FMN1: variants seen among roughly 807,000 people sequenced by gnomAD.
FMN1 encodes the protein formin-1.
A neutral mutation model predicts 132.4 loss-of-function variants in FMN1; 110 were observed. The ratio of observed to expected loss-of-function variants is 0.83; its 90% CI spans 0.71 to 0.97. FMN1 has a LOEUF of 0.97. Among genes scored for constraint, FMN1 ranks in the 50% least tolerant of loss-of-function variants. The probability of loss-of-function intolerance (pLI) is 0.00; values close to 1 mark genes in which losing one functional copy is unlikely to be tolerated. For missense variants in FMN1, 1,792 were observed against 1,705.3 expected, an observed-to-expected ratio of 1.05 and a Z score of -0.90; for synonymous variants, 722 against 651.7, an observed-to-expected ratio of 1.11 and a Z score of -1.64.
chr15:33,020,343 A>G (rs1001681327), intron 6 of FMN1, among the ~76,000 whole-genome samples: 1 of 146,226 alleles, frequency 6.8e-6, no homozygotes, highest in African/African-American at 2.5e-5. Context: ...CCCCCACCAG[A>G]TTCGGTCACT....
intron 11 of FMN1, 25 bp from the exon 12 acceptor site, chr15:32,908,603 CAAAAAAAAA>C (rs71424680): frequency 6.7e-6 from 4 of 600,908 alleles, no homozygotes; most frequent in Non-Finnish European, 5.1e-6. Flanking sequence ...AAAACAAAAC[CAAAAAAAAA>C]AAAAAAAAAA....
At chr15:32,957,105 C>G (rs1235563881) in intron 9 of FMN1, among the ~76,000 whole-genome samples, 1 of 151,976 alleles carries the variant, frequency 6.6e-6, no homozygotes. Flanking sequence ...ATTAAAAAGA[C>G]AGAGACAGAG....
At chr15:32,887,319 C>A (rs1256530130) in intron 16 of FMN1, among the ~76,000 whole-genome samples, 1 of 152,194 alleles carries the variant, frequency 6.6e-6, no homozygotes, top group African/African-American at 2.4e-5. Flanking sequence ...AACACGCTCT[C>A]TAAATCCTCC....
intron 2 of FMN1, among the ~76,000 whole-genome samples, chr15:33,186,799 A>G (rs1965903295): frequency 6.6e-6 from 1 of 152,268 alleles, no homozygotes; most frequent in Non-Finnish European, 1.5e-5. Context: ...AAGAGTAGAA[A>G]GGCCAAGAGT....
chr15:32,774,203 A>G lies in FMN1; in HGVS notation c.*107T>C. 1.1e-6 allele frequency: 1 copy of G among 874,480 alleles called. No individual in the cohort carries two copies. Among genetic ancestry groups the G allele is most frequent in the Non-Finnish European group, 1.8e-6 (1 of 546,982 alleles). 54.2% of individuals were successfully genotyped at this position (874,480 alleles called of 1,614,324 possible). ...CTCAGAAAGAGATGAGCAAAAACAA[A>G]CATTTAGTGACACATCTTTCAAGAA... is the stretch of plus-strand genomic sequence containing the variant. On this transcript the variant is annotated 3_prime_UTR_variant, in exon 21 of 21. Coordinates refer to ENST00000616417, the MANE Select transcript of FMN1 (RefSeq NM_001277313.2).
intron 17 of FMN1, among the ~76,000 whole-genome samples, chr15:32,832,140 C>T (rs1015468963): frequency 6.6e-6 from 1 of 152,014 alleles, no homozygotes; most frequent in Non-Finnish European, 1.5e-5. Flanking sequence ...ATAGCTATAC[C>T]CCAAAGAGTT....
At chr15:32,808,884 A>G (rs747268647) in intron 17 of FMN1, among the ~76,000 whole-genome samples, 9 of 147,232 alleles carry the variant, frequency 6.1e-5, no homozygotes, top group Non-Finnish European at 1.3e-4. Context: ...GTTATCATTT[A>G]TGCTCAAAAC....
At chr15:33,131,705 G>A (rs1201302445) in intron 4 of FMN1, among the ~76,000 whole-genome samples, 1 of 152,124 alleles carries the variant, frequency 6.6e-6, no homozygotes, top group Non-Finnish European at 1.5e-5. Context: ...ATGAGGATAG[G>A]CCATCAGGAA....
intron 19 of FMN1, among the ~76,000 whole-genome samples, chr15:32,794,193 C>G (rs1483143636): frequency 6.6e-6 from 1 of 152,046 alleles, no homozygotes; most frequent in African/African-American, 2.4e-5. Context: ...CCCCCTCGCC[C>G]CCAAAAGAAA....
At position 32,772,266 on chromosome 15, in the gene FMN1, G is replaced by A. The variant is rs117080464; in HGVS notation, c.*2044C>T. The A allele has an allele frequency of 6.6e-6, 1 of 152,028 alleles. No individual in the cohort carries two copies. Among genetic ancestry groups the A allele is most frequent in the African/African-American group, 2.4e-5 (1 of 41,348 alleles). The allele number at this position is 152,028 out of a possible 1,614,324, so 9.4% of individuals were successfully genotyped here. ...ATTTCTCGTAAGCATCCTACTTACA[G>A]ACCAAAGTGGACTGCAATGAGTACA... On this transcript the variant is annotated 3_prime_UTR_variant, in exon 21 of 21. Coordinates refer to ENST00000616417, the MANE Select transcript of FMN1 (RefSeq NM_001277313.2).
intron 17 of FMN1, among the ~76,000 whole-genome samples, chr15:32,850,537 A>G (rs1029766556): frequency 6.6e-6 from 1 of 152,220 alleles, no homozygotes; most frequent in East Asian, 1.9e-4. Context: ...CAGAAAACCC[A>G]AGGAGGAGGA....
intron 6 of FMN1, among the ~76,000 whole-genome samples, chr15:33,032,978 G>C (rs549080896): frequency 6.6e-6 from 1 of 152,192 alleles, no homozygotes; most frequent in East Asian, 1.9e-4. Flanking sequence ...CTGGCATATA[G>C]GCATGCAGTA....
intron 7 of FMN1, among the ~76,000 whole-genome samples, chr15:32,972,197 T>G (rs1413032889): frequency 6.6e-6 from 1 of 152,222 alleles, no homozygotes. Context: ...GCCTGGCAGA[T>G]CAGAGCCCAG....
intron 7 of FMN1, among the ~76,000 whole-genome samples, chr15:32,989,143 G>GGAA (rs10666443): frequency 0.77 from 117,559 of 151,838 alleles, 46,211 homozygotes; most frequent in East Asian, 0.97. Flanking sequence ...CCACTATAGG[G>GGAA]GAAGAAAGGA....
At chr15:32,969,723 T>C (rs552587958) in intron 7 of FMN1, among the ~76,000 whole-genome samples, 75 of 152,336 alleles carry the variant, frequency 4.9e-4, no homozygotes, top group South Asian at 4.6e-3. Flanking sequence ...ATAATTTTCA[T>C]GGATTAAGGC....
intron 5 of FMN1, among the ~76,000 whole-genome samples, chr15:33,078,641 C>T (rs1244557055): frequency 3.1e-4 from 35 of 112,364 alleles, no homozygotes; most frequent in Non-Finnish European, 1.5e-4. Flanking sequence ...ATCCAAAAGG[C>T]AACAAAAAAA....
At chr15:32,942,878 C>T (rs1450830514) in intron 9 of FMN1, among the ~76,000 whole-genome samples, 1 of 152,148 alleles carries the variant, frequency 6.6e-6, no homozygotes, top group African/African-American at 2.4e-5. Context: ...TGCTGCTTTT[C>T]CTGTCTGAAT....
intron 19 of FMN1, among the ~76,000 whole-genome samples, chr15:32,779,975 T>C (rs1472085323): frequency 6.6e-6 from 1 of 152,210 alleles, no homozygotes; most frequent in Non-Finnish European, 1.5e-5. Flanking sequence ...TCTGTGATGA[T>C]GGTCAAGAGC....
chr15:33,066,562 C>T, intron 5 of FMN1: 1 of 1,609,178 alleles, frequency 6.2e-7, no homozygotes, highest in Non-Finnish European at 8.5e-7. Context: ...ACCGTTCAAA[C>T]ACAGCTCTTA....
Sources: allele counts gnomAD v4.1 joint callset (sites outside exome capture counted in the v4.1 genomes callset), GRCh38; gene constraint gnomAD v4.1.1; transcripts MANE v1.5; gene names NCBI Gene and HGNC (gene_info 2026-07-23, HGNC 2026-07-21).